The following USH2A variants were observed in gnomAD, a reference collection of about 807,000 sequenced individuals.
The protein encoded by USH2A is Usher syndrome 2A (autosomal recessive, mild).
A neutral mutation model predicts 538.9 loss-of-function variants in USH2A; 443 were observed. That is an observed-to-expected ratio of 0.82 (90% CI 0.76 to 0.89). The LOEUF (loss-of-function observed/expected upper bound fraction) is 0.89. Ranked by LOEUF, USH2A falls within the 40% of genes least tolerant of loss-of-function variation. USH2A has a pLI of 0.00. For missense variants in USH2A, 6,633 were observed against 6,324.8 expected, an observed-to-expected ratio of 1.05 and a Z score of -1.65; for synonymous variants, 2,413 against 2,273.5, an observed-to-expected ratio of 1.06 and a Z score of -1.75.
chr1:215,813,675 A>G, intron 49 of USH2A, 61 bp downstream of exon 49: 1 of 1,608,802 alleles, frequency 6.2e-7, no homozygotes, highest in Non-Finnish European at 8.5e-7. Flanking sequence ...ACTGACATGA[A>G]CCACGTGTTT....
intron 58 of USH2A, among the ~76,000 whole-genome samples, chr1:215,756,785 A>C (rs1660808311): frequency 6.6e-6 from 1 of 152,014 alleles, no homozygotes; most frequent in Non-Finnish European, 1.5e-5. Flanking sequence ...TTAGCCAGGC[A>C]TGGTGGTGTG....
chr1:215,664,689 T>C (rs570647073), intron 64 of USH2A, among the ~76,000 whole-genome samples: 21 of 152,278 alleles, frequency 1.4e-4, no homozygotes, highest in Non-Finnish European at 2.5e-4. Flanking sequence ...AAGGCTAATC[T>C]TGAATATGAT....
At chr1:215,710,771 T>C (rs12021518) in intron 61 of USH2A, among the ~76,000 whole-genome samples, 27,203 of 152,088 alleles carry the variant, frequency 0.18, 2,595 homozygotes, top group Non-Finnish European at 0.21. Context: ...TGCTGCCAGA[T>C]GTAGACCCTT....
intron 55 of USH2A, among the ~76,000 whole-genome samples, chr1:215,771,443 A>G (rs945111374): frequency 3.1e-4 from 47 of 149,560 alleles, no homozygotes; most frequent in Admixed American, 2.3e-3. Context: ...AGCCGGGCGT[A>G]GTGGCGGGCG....
chr1:216,045,020 A>G (rs757790638), intron 32 of USH2A, among the ~76,000 whole-genome samples: 1 of 152,190 alleles, frequency 6.6e-6, no homozygotes, highest in African/African-American at 2.4e-5. Context: ...TCCAGCATCT[A>G]CATGTGCCCC....
chr1:215,931,076 A>G (rs934751727), intron 38 of USH2A, among the ~76,000 whole-genome samples: 2 of 151,956 alleles, frequency 1.3e-5, no homozygotes, highest in Admixed American at 1.3e-4. Flanking sequence ...ACATAATTGG[A>G]AAAAACAGAG....
At chr1:216,309,183 C>T (rs984029642) in intron 9 of USH2A, among the ~76,000 whole-genome samples, 1 of 152,102 alleles carries the variant, frequency 6.6e-6, no homozygotes, top group African/African-American at 2.4e-5. Flanking sequence ...ACAACAGCTC[C>T]CATTACAAAA....
chr1:216,084,995 G>T, intron 24 of USH2A, 118 bp from the exon 25 acceptor site: 1 of 919,756 alleles, frequency 1.1e-6, no homozygotes, highest in Non-Finnish European at 1.7e-6. Flanking sequence ...CCTATTTACT[G>T]CAAGCCTCTT....
intron 27 of USH2A, 67 bp downstream of exon 27, chr1:216,078,022 C>T: frequency 3.1e-6 from 5 of 1,604,024 alleles, no homozygotes; most frequent in Non-Finnish European, 4.3e-6. Flanking sequence ...TCTTGAAACA[C>T]AGAACCACCA....
At chr1:215,724,637 T>C (rs1392229220) in intron 61 of USH2A, among the ~76,000 whole-genome samples, 8 of 152,028 alleles carry the variant, frequency 5.3e-5, no homozygotes, top group Non-Finnish European at 1.2e-4. Flanking sequence ...TGAAATGGGG[T>C]CTTCTAAACA....
intron 37 of USH2A, among the ~76,000 whole-genome samples, chr1:215,941,314 T>C (rs1204853242): frequency 6.6e-6 from 1 of 152,124 alleles, no homozygotes; most frequent in African/African-American, 2.4e-5. Context: ...TCACTATATA[T>C]ATGTATATAA....
At chr1:216,238,863 C>T (rs1391269282) in intron 13 of USH2A, among the ~76,000 whole-genome samples, 1 of 152,118 alleles carries the variant, frequency 6.6e-6, no homozygotes, top group African/African-American at 2.4e-5. Flanking sequence ...CTTCCTACCC[C>T]ATCCTTCTCC....
intron 35 of USH2A, among the ~76,000 whole-genome samples, chr1:215,974,944 A>C (rs1307273602): frequency 6.6e-6 from 1 of 152,182 alleles, no homozygotes; most frequent in South Asian, 2.1e-4. Context: ...ACTAATTTAC[A>C]TTCCCACCAA....
At chr1:216,148,409 C>T (rs1051182296) in intron 21 of USH2A, among the ~76,000 whole-genome samples, 2 of 152,028 alleles carry the variant, frequency 1.3e-5, no homozygotes, top group Non-Finnish European at 2.9e-5. Flanking sequence ...TCCTTTGCAT[C>T]CTCCTCTTCT....
At chr1:216,021,518 G>A (rs1388224052) in intron 32 of USH2A, among the ~76,000 whole-genome samples, 5 of 152,104 alleles carry the variant, frequency 3.3e-5, no homozygotes, top group Non-Finnish European at 2.9e-5. Flanking sequence ...CCAGTCTTGA[G>A]TATGTCTCTA....
At chr1:215,952,054 C>T (rs1225267656) in intron 37 of USH2A, among the ~76,000 whole-genome samples, 4 of 150,560 alleles carry the variant, frequency 2.7e-5, no homozygotes, top group East Asian at 3.9e-4. Context: ...TTAGTAGAGA[C>T]GGGGTTTCAC....
At chr1:216,086,158 C>T (rs901843485) in intron 24 of USH2A, among the ~76,000 whole-genome samples, 4 of 151,952 alleles carry the variant, frequency 2.6e-5, no homozygotes, top group African/African-American at 7.3e-5. Flanking sequence ...TGTTCTTATG[C>T]TCTTGTTCTA....
chr1:216,410,071 A>G (rs909116995), intron 3 of USH2A, among the ~76,000 whole-genome samples: 1 of 152,196 alleles, frequency 6.6e-6, no homozygotes, highest in African/African-American at 2.4e-5. Flanking sequence ...GACCCTTTTC[A>G]AAAGAAGACA....
chr1:215,909,034 A>T (rs1665708584), intron 38 of USH2A, among the ~76,000 whole-genome samples: 1 of 149,886 alleles, frequency 6.7e-6, no homozygotes, highest in Non-Finnish European at 1.5e-5. Context: ...TTATATATCT[A>T]CATGTCATAT....
Sources: allele counts gnomAD v4.1 joint callset (sites outside exome capture counted in the v4.1 genomes callset), GRCh38; gene constraint gnomAD v4.1.1; transcripts MANE v1.5; gene names NCBI Gene and HGNC (gene_info 2026-07-23, HGNC 2026-07-21).